Variants in ABCC6 observed in about 807,000 individuals in gnomAD.
ABCC6 encodes the protein ATP binding cassette subfamily C member 6, also known as ATP-binding cassette sub-family C member 6.
In ABCC6, 126 loss-of-function variants were observed where a neutral mutation model predicts 169.5. The ratio of observed to expected loss-of-function variants is 0.74; its 90% CI spans 0.64 to 0.86. ABCC6 has a LOEUF of 0.86. ABCC6 is among the 40% of genes least tolerant of loss of function. The probability of loss-of-function intolerance (pLI) is 0.00; values close to 1 mark genes in which losing one functional copy is unlikely to be tolerated. For synonymous variants in ABCC6, 752 were observed against 814.7 expected (o/e 0.92, Z 1.31); for missense variants, 1,733 against 1,927.2 (o/e 0.90, Z 1.89).
At chr16:16,151,272 G>C (rs1233793722) in intron 29 of ABCC6, among the ~76,000 whole-genome samples, 1 of 152,096 alleles carries the variant, frequency 6.6e-6, no homozygotes, top group Non-Finnish European at 1.5e-5. Flanking sequence ...ATGTTGGTCC[G>C]ACTTGTTTGA....
In ABCC6 at chr16:16,182,586, A is replaced by C. The variant is rs2047513811; in HGVS notation, c.2073T>G (p.Gly691=). The change falls in exon 17 of 31, where the codon GGT becomes GGG. Residue 691 remains glycine, a splice_region_variant and synonymous_variant. Coordinates refer to ENST00000205557, the MANE Select transcript of ABCC6 (RefSeq NM_001171.6). ...CCTCCTGGGGCACGTAGGCCACAGC[A>C]CCCTAAAACACAACTTACTTTGGTC... ...SKVEGFVSIE[G]AVAYVPQEAW... is the part of the protein sequence containing the mutation. 6.2e-7 allele frequency: 1 copy of C among 1,611,302 alleles called. No homozygotes were observed. The highest frequency in any genetic ancestry group is 1.1e-5 in the South Asian group (1 of 90,940).
chr16:16,189,889 C>T (rs1281238032), intron 12 of ABCC6, among the ~76,000 whole-genome samples: 1 of 152,146 alleles, frequency 6.6e-6, no homozygotes, highest in East Asian at 1.9e-4. Flanking sequence ...TCTGCCACCC[C>T]CCTGCATCTG....
At position 16,176,013 on chromosome 16, in the gene ABCC6, G is replaced by A. The variant is rs57188932; in HGVS notation, c.2591-27C>T. On this transcript the variant is annotated intron_variant, in intron 19 of 30. Coordinates refer to ENST00000205557, the MANE Select transcript of ABCC6 (RefSeq NM_001171.6). ...TGCAAGGTCAAGAGAGTCCTGTCACGCAACACGGCCCAGATACCCACTTTG... is the reference window on the plus strand; with the variant it reads ...TGCAAGGTCAAGAGAGTCCTGTCACACAACACGGCCCAGATACCCACTTTG... The A allele has an allele frequency of 1.8e-4, 292 of 1,608,712 alleles. 1 individual carries two copies. In the African/African-American group the frequency reaches 3.1e-3, roughly 17 times the overall value.
Position 16,214,301 on chromosome 16 carries a change from G to A in ABCC6, c.600+23C>T, listed in dbSNP as rs72664290. 8.9e-4 allele frequency: 1,382 copies of A among 1,550,582 alleles called. 21 individuals are homozygous for A. Among genetic ancestry groups the A allele is most frequent in the Middle Eastern group, 2.8e-3 (17 of 5,978 alleles). On this transcript the variant is annotated intron_variant, in intron 5 of 30. Coordinates refer to ENST00000205557, the MANE Select transcript of ABCC6 (RefSeq NM_001171.6). ...TGAGACCTCAAAGTGGAACAGGAAT[G>A]AGGTTGGAACTTGGTGACTTACAGA...
At chr16:16,215,888 C>T (rs2048854642) in intron 4 of ABCC6, among the ~76,000 whole-genome samples, 1 of 152,194 alleles carries the variant, frequency 6.6e-6, no homozygotes, top group African/African-American at 2.4e-5. Flanking sequence ...CTTTCTGTTA[C>T]AAATGATCCA....
Position 16,154,929 on chromosome 16 carries a change from G to A in ABCC6, c.3985C>T (p.Pro1329Ser). The change falls in exon 28 of 31, where the codon CCC (proline) becomes TCC (serine). Residue 1329 changes from proline to serine, a missense_variant. Coordinates refer to ENST00000205557, the MANE Select transcript of ABCC6 (RefSeq NM_001171.6). Reference sequence around the variant, plus strand: ...GTGTGCAGCCCCACGTGGGCAATGGGGACCCCGTCGATCCAGATCCCACCC... The same window carrying A: ...GTGTGCAGCCCCACGTGGGCAATGGAGACCCCGTCGATCCAGATCCCACCC... ...AEGGIWIDGV[P>S]IAHVGLHTLR... 2 of 1,603,830 alleles carry A rather than the reference G, an allele frequency of 1.2e-6. No individual in the cohort carries two copies. The highest frequency in any genetic ancestry group is 1.7e-6 in the Non-Finnish European group (2 of 1,175,470).
chr16:16,168,303 C>CCTGGTGGCTCATGCCTGTG (rs1555509974), intron 22 of ABCC6, among the ~76,000 whole-genome samples: 1 of 152,108 alleles, frequency 6.6e-6, no homozygotes, highest in Non-Finnish European at 1.5e-5. Flanking sequence ...CCAGCCTGGG[C>CCTGGTGGCTCATGCCTGTG]AACACGGCGA....
chr16:16,208,667 C>G (rs933054235), intron 7 of ABCC6, 61 bp downstream of exon 7: 2 of 1,612,692 alleles, frequency 1.2e-6, no homozygotes, highest in South Asian at 1.1e-5. Flanking sequence ...CCACCGCACC[C>G]GGCCAATGAT....
rs373476712 is a variant in ABCC6 at position 16,177,365 on chromosome 16, C to T, written c.2590+87G>A. 1.7e-5 allele frequency: 26 copies of T among 1,496,858 alleles called. No homozygotes were observed. The East Asian group carries it at 4.7e-4, about 27-fold the overall frequency. 92.7% of individuals were successfully genotyped at this position (1,496,858 alleles called of 1,614,324 possible). Reference sequence around the variant, plus strand: ...GCAGACAGGGTGTGGCCAGAGCACTCCATTCATGCCAGTAGGACCCTTCGA... The same window carrying T: ...GCAGACAGGGTGTGGCCAGAGCACTTCATTCATGCCAGTAGGACCCTTCGA... On this transcript the variant is annotated intron_variant, in intron 19 of 30. Coordinates refer to ENST00000205557, the MANE Select transcript of ABCC6 (RefSeq NM_001171.6).
At chr16:16,188,006 C>T (rs1197826489) in intron 13 of ABCC6, among the ~76,000 whole-genome samples, 5 of 151,980 alleles carry the variant, frequency 3.3e-5, no homozygotes, top group Non-Finnish European at 7.4e-5. Flanking sequence ...CTGAGGCGGG[C>T]TTATTACATG....
At chr16:16,157,164 A>G (rs1211714116) in intron 27 of ABCC6, among the ~76,000 whole-genome samples, 3 of 152,090 alleles carry the variant, frequency 2.0e-5, no homozygotes, top group Non-Finnish European at 1.5e-5. Flanking sequence ...CGCAAATAAT[A>G]AAAGCATTAG....
chr16:16,204,169 C>T (rs1431679031), intron 7 of ABCC6, among the ~76,000 whole-genome samples: 1 of 151,962 alleles, frequency 6.6e-6, no homozygotes, highest in Non-Finnish European at 1.5e-5. Context: ...GATTGTCCCA[C>T]CTCAGCCTCT....
chr16:16,201,985 G>T lies in ABCC6; in HGVS notation c.1176+16C>A, dbSNP rs761445950. 1 of 1,613,970 alleles carries T rather than the reference G, an allele frequency of 6.2e-7. No homozygotes were observed. Among genetic ancestry groups the T allele is most frequent in the East Asian group, 2.2e-5 (1 of 44,890 alleles). ...TTCCTGGCTGGGAAGACCTGCCCTT[G>T]TCCCCCAGGGCTCACCTTTCTGTAC... On this transcript the variant is annotated intron_variant, in intron 9 of 30. Coordinates refer to ENST00000205557, the MANE Select transcript of ABCC6 (RefSeq NM_001171.6).
At chr16:16,214,925 A>C (rs1237018031) in intron 4 of ABCC6, among the ~76,000 whole-genome samples, 1 of 152,146 alleles carries the variant, frequency 6.6e-6, no homozygotes. Context: ...TAATTTTCAA[A>C]TACCCAATTT....
At chr16:16,214,884 A>G (rs965496254) in intron 4 of ABCC6, among the ~76,000 whole-genome samples, 8 of 152,228 alleles carry the variant, frequency 5.3e-5, no homozygotes, top group African/African-American at 1.9e-4. Flanking sequence ...TGTTGGGATT[A>G]CAGGCATGAG....
At chr16:16,159,652 T>A (rs535319765) in intron 25 of ABCC6, 69 bp from the exon 26 acceptor site, 1 of 1,419,246 alleles carries the variant, frequency 7.0e-7, no homozygotes, top group Non-Finnish European at 9.9e-7. Context: ...GCCCCCCTGG[T>A]TTCCCAACCT....
chr16:16,170,748 G>T (rs1488688517), intron 21 of ABCC6, among the ~76,000 whole-genome samples: 1 of 151,410 alleles, frequency 6.6e-6, no homozygotes, highest in Non-Finnish European at 1.5e-5. Context: ...GTGAAACCCC[G>T]TCTCTACTAA....
At chr16:16,158,008 G>C (rs1429720659) in intron 26 of ABCC6, among the ~76,000 whole-genome samples, 199 bp from the exon 27 acceptor site, 1 of 152,146 alleles carries the variant, frequency 6.6e-6, no homozygotes, top group Non-Finnish European at 1.5e-5. Flanking sequence ...GCTACTTTTA[G>C]TCTATTTTAT....
At chr16:16,196,943 TCACCCCC>T (rs2152276953) in intron 10 of ABCC6, among the ~76,000 whole-genome samples, 2 of 152,156 alleles carry the variant, frequency 1.3e-5, no homozygotes, top group South Asian at 4.2e-4. Context: ...TCCACCTACC[TCACCCCC>T]CAAATTGCTG....
Sources: gnomAD v4.1 joint callset for allele counts (sites outside exome capture counted in the v4.1 genomes callset) on GRCh38, gnomAD v4.1.1 for gene constraint, MANE v1.5 for transcripts, NCBI Gene and HGNC (gene_info 2026-07-23, HGNC 2026-07-21) for gene names.